Variants in ADGRL3 observed in about 807,000 individuals in gnomAD.
The protein encoded by ADGRL3 is calcium-independent alpha-latrotoxin receptor 3.
In ADGRL3, 62 loss-of-function variants were observed where a neutral mutation model predicts 153.5. The ratio of observed to expected loss-of-function variants is 0.40; its 90% CI spans 0.33 to 0.50. The LOEUF (loss-of-function observed/expected upper bound fraction) is 0.50. Among genes scored for constraint, ADGRL3 ranks in the 20% least tolerant of loss-of-function variants. The pLI is 0.47. For synonymous variants in ADGRL3, 710 were observed against 672.5 expected, an observed-to-expected ratio of 1.06 and a Z score of -0.86; for missense variants, 1,641 against 1,859.4, an observed-to-expected ratio of 0.88 and a Z score of 2.16.
intron 1 of ADGRL3, among the ~76,000 whole-genome samples, chr4:61,268,070 C>A (rs1444767396): frequency 1.3e-5 from 2 of 151,498 alleles, no homozygotes; most frequent in African/African-American, 4.8e-5. Flanking sequence ...TTAAATGACT[C>A]CATGTAAATG....
intron 11 of ADGRL3, among the ~76,000 whole-genome samples, chr4:61,896,405 G>A (rs973221052): frequency 6.6e-6 from 1 of 152,096 alleles, no homozygotes; most frequent in Admixed American, 6.6e-5. Flanking sequence ...TGCCAAAAGG[G>A]TTATGGGATG....
At chr4:62,040,532 A>C (rs971256513) in intron 24 of ADGRL3, among the ~76,000 whole-genome samples, 4 of 152,010 alleles carry the variant, frequency 2.6e-5, no homozygotes, top group Admixed American at 2.6e-4. Context: ...AAATTTGGGG[A>C]GTATGGATGC....
chr4:61,921,788 C>T (rs1453715543), intron 13 of ADGRL3, among the ~76,000 whole-genome samples: 2 of 152,176 alleles, frequency 1.3e-5, no homozygotes, highest in Non-Finnish European at 2.9e-5. Context: ...TAAATCTTGT[C>T]ATACAATCAC....
At chr4:61,221,365 A>C (rs1375825196) in intron 1 of ADGRL3, among the ~76,000 whole-genome samples, 2 of 152,182 alleles carry the variant, frequency 1.3e-5, no homozygotes, top group Non-Finnish European at 2.9e-5. Context: ...TTGGCCTGTG[A>C]GAACTTGCCC....
intron 5 of ADGRL3, among the ~76,000 whole-genome samples, chr4:61,604,262 T>C (rs2099023353): frequency 6.6e-6 from 1 of 152,262 alleles, no homozygotes; most frequent in South Asian, 2.1e-4. Context: ...CTTCATTATG[T>C]CAGTGTCTGC....
intron 6 of ADGRL3, among the ~76,000 whole-genome samples, chr4:61,710,019 C>T (rs1314208278): frequency 6.6e-6 from 1 of 152,144 alleles, no homozygotes; most frequent in African/African-American, 2.4e-5. Flanking sequence ...ATTTTGTTAA[C>T]ATAGAAAACA....
rs1208976872 is a variant in ADGRL3 at position 61,925,632 on chromosome 4, A to AAG, written c.2113-9197_2113-9196dup. On this transcript the variant is annotated intron_variant, in intron 13 of 26. Coordinates refer to ENST00000683033, the MANE Select transcript of ADGRL3 (RefSeq NM_001387552.1). ...CATATCACATTGCAAAAGCAGGAGC[A>AAG]AGAGAGAGAGAGTGGGGTAGGTGTC... is the stretch of plus-strand genomic sequence containing the variant. Among the ~76,000 whole-genome samples the AAG allele has an allele frequency of 1.4e-4, 22 of 152,070 alleles. No homozygotes were observed. The East Asian group carries it at 2.5e-3, about 17-fold the overall frequency.
chr4:61,621,844 C>T (rs1237237194), intron 5 of ADGRL3, among the ~76,000 whole-genome samples: 1 of 152,074 alleles, frequency 6.6e-6, no homozygotes, highest in Non-Finnish European at 1.5e-5. Context: ...TTATATGTCT[C>T]CTTTTTTGCC....
At chr4:61,906,994 A>T (rs2098698927) in intron 11 of ADGRL3, among the ~76,000 whole-genome samples, 1 of 152,104 alleles carries the variant, frequency 6.6e-6, no homozygotes, top group South Asian at 2.1e-4. Flanking sequence ...TCTGTGTTGG[A>T]CTGCCTTTAA....
intron 8 of ADGRL3, among the ~76,000 whole-genome samples, chr4:61,797,772 C>T (rs1267810624): frequency 2.0e-5 from 3 of 152,052 alleles, no homozygotes; most frequent in African/African-American, 7.2e-5. Flanking sequence ...TCAATGAATT[C>T]CCAGTTCTTA....
intron 1 of ADGRL3, among the ~76,000 whole-genome samples, chr4:61,330,707 A>C (rs2095554759): frequency 6.6e-6 from 1 of 152,158 alleles, no homozygotes; most frequent in African/African-American, 2.4e-5. Context: ...GAGCGAAAGA[A>C]CAAAGCTTCC....
intron 2 of ADGRL3, among the ~76,000 whole-genome samples, chr4:61,494,394 G>T (rs2098290600): frequency 6.6e-6 from 1 of 152,160 alleles, no homozygotes; most frequent in Non-Finnish European, 1.5e-5. Context: ...GAAAAAGAAT[G>T]TTGAGGTTTG....
intron 1 of ADGRL3, among the ~76,000 whole-genome samples, chr4:61,206,282 G>C (rs1425335951): frequency 6.6e-6 from 1 of 152,144 alleles, no homozygotes; most frequent in Non-Finnish European, 1.5e-5. Flanking sequence ...GGAATATTGT[G>C]GATGGTAATC....
chr4:61,354,390 TA>T (rs2096119527), intron 1 of ADGRL3, among the ~76,000 whole-genome samples: 2 of 152,184 alleles, frequency 1.3e-5, no homozygotes, highest in African/African-American at 4.8e-5. Flanking sequence ...TCCGCATATA[TA>T]AATTGTTTAA....
intron 15 of ADGRL3, among the ~76,000 whole-genome samples, chr4:61,946,671 C>A (rs977119963): frequency 2.0e-5 from 3 of 152,082 alleles, no homozygotes; most frequent in Admixed American, 6.5e-5. Context: ...TATGATCTAT[C>A]TTAAACTTAG....
At chr4:62,003,761 T>C (rs746725453) in intron 21 of ADGRL3, among the ~76,000 whole-genome samples, 1 of 152,124 alleles carries the variant, frequency 6.6e-6, no homozygotes, top group Non-Finnish European at 1.5e-5. Context: ...TCATGAAGAA[T>C]TATGCATGAT....
At chr4:61,538,543 G>T (rs925175461) in intron 4 of ADGRL3, among the ~76,000 whole-genome samples, 3 of 152,090 alleles carry the variant, frequency 2.0e-5, no homozygotes, top group Non-Finnish European at 4.4e-5. Flanking sequence ...AGCTTCAAGC[G>T]ATTCTCCTGC....
intron 9 of ADGRL3, among the ~76,000 whole-genome samples, chr4:61,882,638 C>T (rs939726349): frequency 4.6e-5 from 7 of 152,194 alleles, no homozygotes; most frequent in Non-Finnish European, 1.0e-4. Flanking sequence ...CCTCATTTCA[C>T]ACTGCCTTTC....
At chr4:61,789,201 G>C (rs188638451) in intron 8 of ADGRL3, among the ~76,000 whole-genome samples, 2 of 151,914 alleles carry the variant, frequency 1.3e-5, no homozygotes, top group Admixed American at 1.3e-4. Flanking sequence ...TGAAAAGTAC[G>C]TATTTATTTA....
Sources: gnomAD v4.1 joint callset for allele counts (sites outside exome capture counted in the v4.1 genomes callset) on GRCh38, gnomAD v4.1.1 for gene constraint, MANE v1.5 for transcripts, NCBI Gene and HGNC (gene_info 2026-07-23, HGNC 2026-07-21) for gene names.